FAM114A2: variants seen among roughly 807,000 people sequenced by gnomAD.
FAM114A2 encodes the protein protein FAM114A2.
In FAM114A2, 53 loss-of-function variants were observed where a neutral mutation model predicts 58.4. The ratio of observed to expected loss-of-function variants is 0.91; its 90% CI spans 0.73 to 1.14. The LOEUF (loss-of-function observed/expected upper bound fraction) is 1.14. Ranked by LOEUF, FAM114A2 falls within the 50% of genes most tolerant of loss-of-function variation. FAM114A2 has a pLI of 0.00. For synonymous variants in FAM114A2, 228 were observed against 211.4 expected (o/e 1.08, Z -0.68); for missense variants, 601 against 581.1 (o/e 1.03, Z -0.35).
intron 8 of FAM114A2, among the ~76,000 whole-genome samples, chr5:154,014,190 C>G (rs1050105687): frequency 2.2e-4 from 34 of 152,240 alleles, no homozygotes; most frequent in African/African-American, 8.2e-4. Flanking sequence ...TATCATTTAG[C>G]AAGATGCTAT....
At chr5:154,003,590 G>C (rs530019347) in intron 9 of FAM114A2, among the ~76,000 whole-genome samples, 2 of 152,272 alleles carry the variant, frequency 1.3e-5, no homozygotes, top group Admixed American at 6.5e-5. Context: ...CCGTGATCAA[G>C]ATATAGAATA....
At chr5:154,023,924 GTTAACT>G (rs1414181932) in intron 8 of FAM114A2, among the ~76,000 whole-genome samples, 1 of 152,114 alleles carries the variant, frequency 6.6e-6, no homozygotes, top group Non-Finnish European at 1.5e-5. Context: ...AATCCACACA[GTTAACT>G]TTATGTTTCC....
At chr5:154,020,596 A>G (rs564646630) in intron 8 of FAM114A2, among the ~76,000 whole-genome samples, 4 of 152,268 alleles carry the variant, frequency 2.6e-5, no homozygotes, top group Admixed American at 6.5e-5. Flanking sequence ...ACTAAACCAG[A>G]AAGAAGTTGA....
At chr5:154,022,837 A>G (rs1386971322) in intron 8 of FAM114A2, among the ~76,000 whole-genome samples, 1 of 152,192 alleles carries the variant, frequency 6.6e-6, no homozygotes, top group Non-Finnish European at 1.5e-5. Flanking sequence ...ACATGCACAC[A>G]TATGTTTATT....
chr5:153,991,432 G>C lies in FAM114A2; in HGVS notation c.*1544C>G. ...TTCAGAACTGGTGACACCAGCCTTTGTAACCAGAAGGCAACTGTTTTTCTG... is the reference window on the plus strand; with the variant it reads ...TTCAGAACTGGTGACACCAGCCTTTCTAACCAGAAGGCAACTGTTTTTCTG... On this transcript the variant is annotated 3_prime_UTR_variant, in exon 14 of 14. Coordinates refer to ENST00000351797, the MANE Select transcript of FAM114A2 (RefSeq NM_018691.4). 2 of 152,174 alleles carry C rather than the reference G, an allele frequency of 1.3e-5. 1 individual carries two copies. The highest frequency in any genetic ancestry group is 4.8e-5 in the African/African-American group (2 of 41,440). 9.4% of individuals were successfully genotyped at this position (152,174 alleles called of 1,614,324 possible). A position where few individuals can be genotyped will look rare whatever the true frequency, so the allele number is the denominator to read the frequency against.
chr5:154,011,517 T>C (rs1386140491), intron 8 of FAM114A2, among the ~76,000 whole-genome samples, 197 bp from the exon 9 acceptor site: 62 of 152,174 alleles, frequency 4.1e-4, no homozygotes, highest in Non-Finnish European at 1.6e-4. Context: ...AATGCTTCAA[T>C]GGGCTTGAGA....
At chr5:154,012,455 T>C (rs767566468) in intron 8 of FAM114A2, among the ~76,000 whole-genome samples, 4 of 152,222 alleles carry the variant, frequency 2.6e-5, no homozygotes, top group Non-Finnish European at 5.9e-5. Context: ...AGAGAACTCT[T>C]GTACATAGAA....
intron 9 of FAM114A2, 51 bp from the exon 10 acceptor site, chr5:154,003,020 T>C: frequency 1.9e-6 from 3 of 1,572,698 alleles, no homozygotes; most frequent in Non-Finnish European, 2.6e-6. Flanking sequence ...TTTACCAAAA[T>C]TACTGTGCAC....
At chr5:154,014,387 G>A (rs1267413913) in intron 8 of FAM114A2, among the ~76,000 whole-genome samples, 2 of 152,180 alleles carry the variant, frequency 1.3e-5, no homozygotes, top group Non-Finnish European at 2.9e-5. Flanking sequence ...ATGACTACAG[G>A]AATATATCAG....
intron 1 of FAM114A2, chr5:154,036,698 C>T (rs1581847924): frequency 6.6e-6 from 1 of 152,250 alleles, no homozygotes; most frequent in East Asian, 1.9e-4. Flanking sequence ...TAGAATCAGA[C>T]AACGTAATTC....
intron 4 of FAM114A2, among the ~76,000 whole-genome samples, chr5:154,030,727 T>C (rs929610702): frequency 6.6e-6 from 1 of 152,200 alleles, no homozygotes; most frequent in African/African-American, 2.4e-5. Context: ...AGAATCCGCA[T>C]AGGCATGCCC....
intron 10 of FAM114A2, 68 bp downstream of exon 10, chr5:154,002,779 G>A: frequency 6.5e-7 from 1 of 1,537,238 alleles, no homozygotes; most frequent in Non-Finnish European, 8.9e-7. Context: ...ATAGGAGCCT[G>A]GGTCCCTGAT....
chr5:154,029,286 CCTA>C (rs1287219838), intron 5 of FAM114A2, among the ~76,000 whole-genome samples, 200 bp downstream of exon 5: 1 of 152,152 alleles, frequency 6.6e-6, no homozygotes, highest in Non-Finnish European at 1.5e-5. Flanking sequence ...TCCTTTATTT[CCTA>C]CTTTCTTCCT....
intron 8 of FAM114A2, among the ~76,000 whole-genome samples, chr5:154,016,099 C>A (rs927460182): frequency 6.6e-6 from 1 of 152,074 alleles, no homozygotes; most frequent in Admixed American, 6.5e-5. Flanking sequence ...ATGAACAAAG[C>A]ATCCAAGAAG....
At chr5:153,996,991 T>TAAAAAAAAAAAAAAAAAAA (rs57110256) in intron 12 of FAM114A2, among the ~76,000 whole-genome samples, 3 of 121,286 alleles carry the variant, frequency 2.5e-5, no homozygotes, top group Admixed American at 8.4e-5. Flanking sequence ...GAGCAAAACT[T>TAAAAAAAAAAAAAAAAAAA]AAAAAAAAAA....
intron 5 of FAM114A2, among the ~76,000 whole-genome samples, chr5:154,029,105 C>T (rs1483701688): frequency 1.3e-5 from 2 of 152,100 alleles, no homozygotes; most frequent in Non-Finnish European, 2.9e-5. Context: ...CATAGTTTTG[C>T]AAATATCTGT....
In FAM114A2 at chr5:154,029,475, A is replaced by C; in HGVS notation, c.495+14T>G. The C allele has an allele frequency of 6.9e-7, 1 of 1,457,554 alleles. No homozygotes were observed. Among genetic ancestry groups the C allele is most frequent in the Non-Finnish European group, 9.6e-7 (1 of 1,038,622 alleles). The allele number at this position is 1,457,554 out of a possible 1,614,324, so 90.3% of individuals were successfully genotyped here. A position where few individuals can be genotyped will look rare whatever the true frequency, so the allele number is the denominator to read the frequency against. ...AATGGAAAGGAACAGACCACCTTGCACTTTTTTACTTACTGTGCTCTGAAC... is the reference window on the plus strand; with the variant it reads ...AATGGAAAGGAACAGACCACCTTGCCCTTTTTTACTTACTGTGCTCTGAAC... On this transcript the variant is annotated intron_variant, in intron 5 of 13. Transcript: ENST00000351797.
At chr5:154,013,257 G>C (rs975791146) in intron 8 of FAM114A2, among the ~76,000 whole-genome samples, 2 of 152,168 alleles carry the variant, frequency 1.3e-5, no homozygotes, top group African/African-American at 2.4e-5. Context: ...TCTGGAGAGG[G>C]GCTGGAAGAC....
chr5:154,025,341 T>C (rs1328824027), intron 8 of FAM114A2, among the ~76,000 whole-genome samples: 3 of 152,154 alleles, frequency 2.0e-5, no homozygotes, highest in Non-Finnish European at 4.4e-5. Context: ...ATGACACTAG[T>C]AGAGTCTGCT....
Sources: gnomAD v4.1 joint callset for allele counts (sites outside exome capture counted in the v4.1 genomes callset) on GRCh38, gnomAD v4.1.1 for gene constraint, MANE v1.5 for transcripts, NCBI Gene and HGNC (gene_info 2026-07-23, HGNC 2026-07-21) for gene names.